The following FGGY variants were observed in gnomAD, a reference collection of about 807,000 sequenced individuals.
FGGY encodes FGGY carbohydrate kinase domain-containing protein.
FGGY carries 72 observed loss-of-function variants against 71.3 expected under a neutral mutation model. That is an observed-to-expected ratio of 1.01 (90% CI 0.84 to 1.23). The LOEUF (loss-of-function observed/expected upper bound fraction) is 1.23, where lower values mean the gene tolerates loss of function less well. FGGY is among the 50% of genes most tolerant of loss of function. The pLI is 0.00. For missense variants in FGGY, 668 were observed against 682.3 expected (o/e 0.98, Z 0.23); for synonymous variants, 251 against 250.3 (o/e 1.00, Z -0.02).
intron 1 of FGGY, among the ~76,000 whole-genome samples, chr1:59,300,015 G>T (rs2042522409): frequency 6.6e-6 from 1 of 151,140 alleles, no homozygotes; most frequent in Non-Finnish European, 1.5e-5. Flanking sequence ...TCTTTGAAGA[G>T]AAATTTAGAG....
At chr1:59,714,206 AG>A (rs1264020126) in intron 14 of FGGY, among the ~76,000 whole-genome samples, 1 of 152,186 alleles carries the variant, frequency 6.6e-6, no homozygotes, top group African/African-American at 2.4e-5. Flanking sequence ...CCTTAAATGA[AG>A]GCCCCTTCAG....
chr1:59,525,781 T>A (rs923998782), intron 7 of FGGY, among the ~76,000 whole-genome samples: 2 of 152,234 alleles, frequency 1.3e-5, no homozygotes, highest in African/African-American at 4.8e-5. Context: ...AACTCCCATT[T>A]AAACATATGT....
chr1:59,520,636 A>G (rs187267935), intron 7 of FGGY, among the ~76,000 whole-genome samples: 63 of 152,328 alleles, frequency 4.1e-4, no homozygotes, highest in Non-Finnish European at 7.8e-4. Context: ...AATCAATGTA[A>G]TTATTTAATT....
intron 12 of FGGY, among the ~76,000 whole-genome samples, chr1:59,665,221 G>T (rs1572870833): frequency 6.6e-6 from 1 of 152,010 alleles, no homozygotes; most frequent in South Asian, 2.1e-4. Context: ...TCTCAAGGGG[G>T]TTCATGACCC....
At chr1:59,303,738 T>C (rs1448158017) in intron 1 of FGGY, among the ~76,000 whole-genome samples, 1 of 152,160 alleles carries the variant, frequency 6.6e-6, no homozygotes, top group Non-Finnish European at 1.5e-5. Flanking sequence ...TGGTTCCCTT[T>C]TCTCCATATT....
intron 10 of FGGY, among the ~76,000 whole-genome samples, chr1:59,633,400 G>A (rs2096926902): frequency 1.3e-5 from 2 of 152,182 alleles, no homozygotes; most frequent in Non-Finnish European, 2.9e-5. Flanking sequence ...AAGGGTCTGT[G>A]CTGATTTAGG....
intron 10 of FGGY, 62 bp downstream of exon 10, chr1:59,626,111 G>A (rs866098284): frequency 1.0e-5 from 14 of 1,358,290 alleles, no homozygotes; most frequent in East Asian, 9.4e-5. Context: ...GAGAATTCAC[G>A]TTGGGCAGTT....
intron 6 of FGGY, among the ~76,000 whole-genome samples, chr1:59,507,210 CAG>C (rs1334225575): frequency 4.6e-5 from 7 of 152,150 alleles, no homozygotes; most frequent in African/African-American, 1.4e-4. Context: ...CTTATTTGAA[CAG>C]AGTTTGAACA....
At chr1:59,477,773 T>A (rs1202187973) in intron 6 of FGGY, among the ~76,000 whole-genome samples, 1 of 152,202 alleles carries the variant, frequency 6.6e-6, no homozygotes, top group Non-Finnish European at 1.5e-5. Context: ...TTATTAATAC[T>A]TCATGTTCTG....
chr1:59,718,768 G>A (rs138802572), intron 14 of FGGY, among the ~76,000 whole-genome samples: 10 of 152,252 alleles, frequency 6.6e-5, no homozygotes, highest in Non-Finnish European at 4.4e-5. Flanking sequence ...ATACCATGGG[G>A]TCAGAGACCT....
intron 7 of FGGY, 29 bp from the exon 8 acceptor site, chr1:59,554,095 G>A (rs2095648627): frequency 7.9e-6 from 12 of 1,528,308 alleles, no homozygotes; most frequent in Non-Finnish European, 1.1e-5. Context: ...GTGTTAAAGA[G>A]GATTTGTTTT....
At position 59,558,125 on chromosome 1, in the gene FGGY, G is replaced by A. The variant is rs2095720902; in HGVS notation, c.903+3898G>A. ...CTGCATCTGTTAAATGTGAGTGATA[G>A]TATTTACCCATAAAGTTTTGTTCAG... On this transcript the variant is annotated intron_variant, in intron 8 of 15. Transcript: ENST00000303721. 2.0e-5 allele frequency among the ~76,000 whole-genome samples: 3 copies of A among 152,160 alleles called. No individual in the cohort carries two copies. The South Asian group carries it at 6.2e-4, about 32-fold the overall frequency.
intron 14 of FGGY, among the ~76,000 whole-genome samples, chr1:59,744,848 A>G (rs561362823): frequency 1.3e-5 from 2 of 152,358 alleles, no homozygotes; most frequent in South Asian, 4.1e-4. Flanking sequence ...CTCACAGTCC[A>G]GTGGGGAGAC....
Position 59,724,694 on chromosome 1 carries a change from G to A in FGGY, c.1513-33237G>A, listed in dbSNP as rs115872238. Reference sequence around the variant, plus strand: ...TATTCTAATAGGTTTATAGATGAATGTCACTGCTGTTTTAATATGCAATTT... The same window carrying A: ...TATTCTAATAGGTTTATAGATGAATATCACTGCTGTTTTAATATGCAATTT... On this transcript the variant is annotated intron_variant, in intron 14 of 15. Transcript: ENST00000303721. Among the ~76,000 whole-genome samples, 560 of 152,256 alleles carry A rather than the reference G, an allele frequency of 3.7e-3. 5 individuals carry two copies. Among genetic ancestry groups the A allele is most frequent in the African/African-American group, 0.013 (531 of 41,548 alleles).
chr1:59,675,060 T>A (rs2097422962), intron 14 of FGGY, among the ~76,000 whole-genome samples: 1 of 152,226 alleles, frequency 6.6e-6, no homozygotes, highest in East Asian at 1.9e-4. Context: ...CCCCATTTTA[T>A]AGTTGAGGAA....
At chr1:59,601,577 G>A (rs1357079321) in intron 8 of FGGY, among the ~76,000 whole-genome samples, 1 of 152,124 alleles carries the variant, frequency 6.6e-6, no homozygotes, top group Non-Finnish European at 1.5e-5. Context: ...TGGGCTGACT[G>A]TGTTTGACTC....
chr1:59,402,954 G>A (rs556013245), intron 5 of FGGY, among the ~76,000 whole-genome samples: 4 of 152,222 alleles, frequency 2.6e-5, no homozygotes, highest in South Asian at 2.1e-4. Flanking sequence ...TGGGGGTCCC[G>A]GGCTCCTGAG....
intron 1 of FGGY, among the ~76,000 whole-genome samples, chr1:59,312,196 G>A (rs556931320): frequency 2.1e-4 from 32 of 152,184 alleles, no homozygotes; most frequent in Non-Finnish European, 2.5e-4. Flanking sequence ...CTCCCGTTCT[G>A]TAAGTTGCCT....
At chr1:59,369,504 C>G (rs1326114398) in intron 4 of FGGY, among the ~76,000 whole-genome samples, 1 of 152,242 alleles carries the variant, frequency 6.6e-6, no homozygotes, top group Non-Finnish European at 1.5e-5. Context: ...AACAAAAAGA[C>G]AGCAGTAACC....
Sources: allele counts gnomAD v4.1 joint callset (sites outside exome capture counted in the v4.1 genomes callset), GRCh38; gene constraint gnomAD v4.1.1; transcripts MANE v1.5; gene names NCBI Gene and HGNC (gene_info 2026-07-23, HGNC 2026-07-21).